The following ITPR2 variants were observed in gnomAD, a reference collection of about 807,000 sequenced individuals.
ITPR2 encodes the protein inositol 1,4,5-trisphosphate receptor type 2, also known as inositol 1,4,5-trisphosphate-gated calcium channel ITPR2.
ITPR2 carries 207 observed loss-of-function variants against 317.1 expected under a neutral mutation model. The observed-to-expected ratio is 0.65, with a 90% CI of 0.58 to 0.73. The LOEUF is 0.73. Ranked by LOEUF, ITPR2 falls within the 30% of genes least tolerant of loss-of-function variation. ITPR2 has a pLI of 0.00. For missense variants in ITPR2, 2,613 were observed against 3,284.0 expected, an observed-to-expected ratio of 0.80 and a Z score of 4.99; for synonymous variants, 1,156 against 1,149.1, an observed-to-expected ratio of 1.01 and a Z score of -0.12.
At chr12:26,671,430 T>G (rs1947768563) in intron 13 of ITPR2, among the ~76,000 whole-genome samples, 1 of 152,120 alleles carries the variant, frequency 6.6e-6, no homozygotes, top group South Asian at 2.1e-4. Flanking sequence ...CAACCCAGAA[T>G]TTCATATCCA....
rs553548552 is a variant in ITPR2, at chr12:26,339,185, G to A, written c.*212C>T. 2.3e-4 allele frequency: 119 copies of A among 524,190 alleles called. No homozygotes were observed. The highest frequency in any genetic ancestry group is 3.6e-4 in the Non-Finnish European group (105 of 291,388). The allele number at this position is 524,190 out of a possible 1,614,324, so 32.5% of individuals were successfully genotyped here. On this transcript the variant is annotated 3_prime_UTR_variant, in exon 57 of 57. Transcript: ENST00000381340. ...GATGCATTGCGAATGTGTGATGTAC[G>A]CTTTCTAGCAGATGCATTTGAGGTT...
intron 52 of ITPR2, among the ~76,000 whole-genome samples, chr12:26,406,871 T>C (rs1404621262): frequency 1.3e-5 from 2 of 152,160 alleles, no homozygotes; most frequent in African/African-American, 2.4e-5. Flanking sequence ...TCACTTACAA[T>C]GTCAAATACA....
intron 2 of ITPR2, among the ~76,000 whole-genome samples, chr12:26,771,539 G>C (rs1949843792): frequency 6.6e-6 from 1 of 152,116 alleles, no homozygotes; most frequent in Non-Finnish European, 1.5e-5. Context: ...TTTTGAAACG[G>C]AGTCTCCCTC....
At chr12:26,704,546 C>T (rs1305429795) in intron 9 of ITPR2, among the ~76,000 whole-genome samples, 2 of 152,122 alleles carry the variant, frequency 1.3e-5, no homozygotes, top group African/African-American at 4.8e-5. Context: ...AATAACTAAA[C>T]TTTGCCCCTA....
chr12:26,784,243 T>C (rs1310582964), intron 2 of ITPR2, among the ~76,000 whole-genome samples: 3 of 147,600 alleles, frequency 2.0e-5, no homozygotes, highest in Non-Finnish European at 4.5e-5. Context: ...GTTTCTCTTT[T>C]AAAAATGGAG....
intron 52 of ITPR2, among the ~76,000 whole-genome samples, chr12:26,405,957 C>CA: frequency 6.6e-6 from 1 of 151,734 alleles, no homozygotes; most frequent in South Asian, 2.1e-4. Flanking sequence ...GACTCCATCA[C>CA]AAAAAAGAAA....
chr12:26,638,953 T>C (rs1039370937), intron 21 of ITPR2, among the ~76,000 whole-genome samples: 12 of 152,204 alleles, frequency 7.9e-5, no homozygotes, highest in Admixed American at 2.0e-4. Context: ...TCAAGTTTAG[T>C]AGGAATCAAT....
intron 37 of ITPR2, among the ~76,000 whole-genome samples, chr12:26,547,722 AT>A (rs1443126705): frequency 1.3e-5 from 2 of 152,254 alleles, no homozygotes; most frequent in African/African-American, 4.8e-5. Flanking sequence ...TTATTCAGCC[AT>A]AAAAAAATGA....
intron 37 of ITPR2, among the ~76,000 whole-genome samples, chr12:26,546,510 G>A (rs766888133): frequency 1.3e-5 from 2 of 152,144 alleles, no homozygotes; most frequent in Admixed American, 1.3e-4. Flanking sequence ...CAGCATCCAC[G>A]TTGCTGCAAA....
At chr12:26,348,976 C>A (rs1938394590) in intron 55 of ITPR2, among the ~76,000 whole-genome samples, 1 of 152,032 alleles carries the variant, frequency 6.6e-6, no homozygotes, top group Non-Finnish European at 1.5e-5. Context: ...AGCAAGACCT[C>A]ATCTCTACTA....
chr12:26,601,833 G>A (rs1341735373), intron 28 of ITPR2, among the ~76,000 whole-genome samples: 2 of 152,138 alleles, frequency 1.3e-5, no homozygotes, highest in Non-Finnish European at 2.9e-5. Context: ...TCAGTCATGG[G>A]ACAAATCAAA....
At chr12:26,824,773 T>C (rs1463200896) in intron 1 of ITPR2, among the ~76,000 whole-genome samples, 1 of 152,212 alleles carries the variant, frequency 6.6e-6, no homozygotes, top group African/African-American at 2.4e-5. Context: ...ACTGCTAATA[T>C]GCTGTTCTAT....
intron 55 of ITPR2, among the ~76,000 whole-genome samples, chr12:26,346,609 A>G (rs1189595742): frequency 2.7e-5 from 4 of 148,248 alleles, no homozygotes; most frequent in Non-Finnish European, 4.5e-5. Context: ...GGGCTACAAG[A>G]GTAAAGACTT....
intron 34 of ITPR2, among the ~76,000 whole-genome samples, chr12:26,573,074 G>C (rs1293221839): frequency 6.6e-6 from 1 of 151,584 alleles, no homozygotes; most frequent in Non-Finnish European, 1.5e-5. Context: ...ACCCAGGCTG[G>C]AGTGTAGTGG....
chr12:26,471,873 T>C lies in ITPR2; in HGVS notation c.6342+3423A>G, dbSNP rs148636535. 3.0e-4 allele frequency among the ~76,000 whole-genome samples: 46 copies of C among 152,356 alleles called. No homozygotes were observed. In the East Asian group the frequency reaches 7.9e-3, roughly 26 times the overall value. On this transcript the variant is annotated intron_variant, in intron 45 of 56. Transcript: ENST00000381340. ...GAAACTGGACTCTACCAAATTCCTA[T>C]AGCACAGCCACATGGCCACTTCTGA...
chr12:26,610,570 A>C (rs1946239522), intron 26 of ITPR2, among the ~76,000 whole-genome samples: 1 of 152,194 alleles, frequency 6.6e-6, no homozygotes, highest in African/African-American at 2.4e-5. Context: ...ATAAAGTAAT[A>C]TAATTAATAA....
At chr12:26,802,849 A>G (rs572313424) in intron 1 of ITPR2, among the ~76,000 whole-genome samples, 140 of 152,110 alleles carry the variant, frequency 9.2e-4, no homozygotes, top group Non-Finnish European at 1.7e-3. Flanking sequence ...TTAGTGGGAG[A>G]TTTCAACACA....
intron 55 of ITPR2, among the ~76,000 whole-genome samples, chr12:26,362,612 T>C (rs1237179519): frequency 6.6e-6 from 1 of 152,210 alleles, no homozygotes; most frequent in East Asian, 1.9e-4. Context: ...CCCTTTTCTC[T>C]AATACAGTAC....
intron 52 of ITPR2, 68 bp downstream of exon 52, chr12:26,411,252 A>T (rs1331614044): frequency 2.0e-6 from 2 of 981,608 alleles, no homozygotes; most frequent in Non-Finnish European, 3.2e-6. Context: ...CCTAAGAGGT[A>T]ATAATATTTA....
Sources: allele counts gnomAD v4.1 joint callset (sites outside exome capture counted in the v4.1 genomes callset), GRCh38; gene constraint gnomAD v4.1.1; transcripts MANE v1.5; gene names NCBI Gene and HGNC (gene_info 2026-07-23, HGNC 2026-07-21).